The following NRXN3 variants were observed in gnomAD, a reference collection of about 807,000 sequenced individuals.
NRXN3 encodes the protein neurexin 3.
NRXN3 carries 32 observed loss-of-function variants against 137.6 expected under a neutral mutation model. The ratio of observed to expected loss-of-function variants is 0.23; its 90% CI spans 0.18 to 0.31. The LOEUF is 0.31. Ranked by LOEUF, NRXN3 falls within the 10% of genes least tolerant of loss-of-function variation. The pLI, the probability that NRXN3 is intolerant of heterozygous loss-of-function variation, is 1.00. For synonymous variants in NRXN3, 798 were observed against 784.5 expected (o/e 1.02, Z -0.29); for missense variants, 1,574 against 2,062.5 (o/e 0.76, Z 4.59).
chr14:78,241,922 A>G (rs1567053679), intron 1 of NRXN3, among the ~76,000 whole-genome samples: 1 of 152,102 alleles, frequency 6.6e-6, no homozygotes, highest in Non-Finnish European at 1.5e-5. Flanking sequence ...TTTCTTTCAC[A>G]AATTTAGGGG....
chr14:79,605,524 G>C (rs2097997291), intron 16 of NRXN3, among the ~76,000 whole-genome samples: 1 of 151,872 alleles, frequency 6.6e-6, no homozygotes, highest in Non-Finnish European at 1.5e-5. Context: ...GTCTTGCTCT[G>C]TCACCCAGGC....
At chr14:78,210,282 G>A (rs2062615882) in intron 1 of NRXN3, among the ~76,000 whole-genome samples, 1 of 152,154 alleles carries the variant, frequency 6.6e-6, no homozygotes, top group African/African-American at 2.4e-5. Context: ...TGGCAGAAGG[G>A]CCAGAAGGGA....
chr14:78,748,141 G>A (rs934976331), intron 8 of NRXN3, among the ~76,000 whole-genome samples: 2 of 151,962 alleles, frequency 1.3e-5, no homozygotes, highest in African/African-American at 4.8e-5. Flanking sequence ...GCTGGGTATT[G>A]TGCTAGGTTC....
chr14:78,755,331 G>A (rs554468992), intron 8 of NRXN3, among the ~76,000 whole-genome samples: 21 of 151,954 alleles, frequency 1.4e-4, no homozygotes, highest in African/African-American at 3.6e-4. Flanking sequence ...CCAGTCTAGC[G>A]CATGCCTTTA....
chr14:79,047,175 A>G (rs1322981233), intron 15 of NRXN3, among the ~76,000 whole-genome samples: 1 of 150,808 alleles, frequency 6.6e-6, no homozygotes, highest in African/African-American at 2.4e-5. Flanking sequence ...ACCACCAACA[A>G]CCCACTTTTA....
chr14:78,730,827 G>A (rs567581093), intron 8 of NRXN3, among the ~76,000 whole-genome samples: 14 of 152,354 alleles, frequency 9.2e-5, no homozygotes, highest in African/African-American at 3.4e-4. Flanking sequence ...TTGGGGAAAT[G>A]ATTTGGCTGC....
At chr14:79,224,981 C>T (rs150088973) in intron 15 of NRXN3, among the ~76,000 whole-genome samples, 51 of 152,164 alleles carry the variant, frequency 3.4e-4, no homozygotes, top group East Asian at 1.9e-4. Context: ...TTGTTACAGC[C>T]GCCCTAGGAA....
intron 4 of NRXN3, among the ~76,000 whole-genome samples, chr14:78,581,427 C>T (rs1301890945): frequency 6.6e-6 from 1 of 152,186 alleles, no homozygotes; most frequent in Non-Finnish European, 1.5e-5. Flanking sequence ...CATACTGTGT[C>T]CTCACATAGC....
chr14:78,852,978 G>A (rs2099046830), intron 10 of NRXN3, among the ~76,000 whole-genome samples: 1 of 150,720 alleles, frequency 6.6e-6, no homozygotes, highest in Non-Finnish European at 1.5e-5. Flanking sequence ...TTAACATAAT[G>A]ACCCCCAGTT....
chr14:79,127,430 G>T (rs987372493), intron 15 of NRXN3, among the ~76,000 whole-genome samples: 1 of 152,152 alleles, frequency 6.6e-6, no homozygotes, highest in African/African-American at 2.4e-5. Flanking sequence ...TATTAAACAG[G>T]GAATCCTTTC....
chr14:78,948,628 C>CTTTT (rs201010514), intron 10 of NRXN3, among the ~76,000 whole-genome samples: 2 of 108,598 alleles, frequency 1.8e-5, no homozygotes, highest in African/African-American at 3.3e-5. Context: ...ACACATTTAA[C>CTTTT]TTTTTTTTTT....
At chr14:78,996,103 CCCCTAACTTTTG>C (rs1342514169) in intron 15 of NRXN3, among the ~76,000 whole-genome samples, 2 of 151,970 alleles carry the variant, frequency 1.3e-5, no homozygotes, top group Non-Finnish European at 2.9e-5. Flanking sequence ...TGATTTTTTT[CCCCTAACTTTTG>C]CCCTATGTTT....
chr14:79,145,576 T>C (rs1317550988), intron 15 of NRXN3, among the ~76,000 whole-genome samples: 1 of 152,180 alleles, frequency 6.6e-6, no homozygotes, highest in Admixed American at 6.5e-5. Context: ...TATACCAGCC[T>C]CAAATGCTCC....
rs1028217177 is a variant in NRXN3 at position 79,444,214 on chromosome 14, G to A, written c.3263-23007G>A. Among the ~76,000 whole-genome samples, 4 of 152,100 alleles carry A rather than the reference G, an allele frequency of 2.6e-5. No individual in the cohort carries two copies. The East Asian group carries it at 7.7e-4, about 29-fold the overall frequency. ...GAAAAATACCCGTGTGAACTATTGG[G>A]CTGAGAGTGTTGAGTCCATTGAATT... is the stretch of plus-strand genomic sequence containing the variant. On this transcript the variant is annotated intron_variant, in intron 15 of 20. Coordinates refer to ENST00000335750, the MANE Select transcript of NRXN3 (RefSeq NM_001330195.2).
At chr14:78,999,173 A>G (rs189660459) in intron 15 of NRXN3, among the ~76,000 whole-genome samples, 3 of 152,250 alleles carry the variant, frequency 2.0e-5, no homozygotes, top group African/African-American at 7.2e-5. Context: ...TATTTTGATC[A>G]CCAGGCACTG....
intron 10 of NRXN3, among the ~76,000 whole-genome samples, chr14:78,885,893 C>T (rs987909995): frequency 6.6e-6 from 1 of 151,930 alleles, no homozygotes; most frequent in Non-Finnish European, 1.5e-5. Context: ...ACATAAAGCC[C>T]AAGCAATTAG....
chr14:79,853,668 G>T (rs1270741015), intron 20 of NRXN3: 1 of 1,298,194 alleles, frequency 7.7e-7, no homozygotes, highest in Non-Finnish European at 1.0e-6. Flanking sequence ...TCCCCTTCCT[G>T]CATCTTTCCT....
chr14:79,834,661 A>G (rs1019078308), intron 20 of NRXN3, among the ~76,000 whole-genome samples: 4 of 152,154 alleles, frequency 2.6e-5, no homozygotes, highest in Admixed American at 6.6e-5. Context: ...CTAAGTTAAC[A>G]GTAAATAATT....
intron 15 of NRXN3, among the ~76,000 whole-genome samples, chr14:79,370,673 T>C (rs1228493517): frequency 6.6e-6 from 1 of 152,096 alleles, no homozygotes; most frequent in Non-Finnish European, 1.5e-5. Flanking sequence ...GACTCCAAAA[T>C]ACATGCTTTT....
Sources: allele counts gnomAD v4.1 joint callset (sites outside exome capture counted in the v4.1 genomes callset), GRCh38; gene constraint gnomAD v4.1.1; transcripts MANE v1.5; gene names NCBI Gene and HGNC (gene_info 2026-07-23, HGNC 2026-07-21).